The following PON2 variants were observed in gnomAD, a reference collection of about 807,000 sequenced individuals.
The protein encoded by PON2 is paraoxonase 2.
Under a neutral mutation model 36.6 loss-of-function variants are expected in PON2, and 27 were observed. That is an observed-to-expected ratio of 0.74 (90% CI 0.54 to 1.02). The LOEUF is 1.02. PON2 is among the 50% of genes least tolerant of loss of function. The probability of loss-of-function intolerance (pLI) is 0.00; values close to 1 mark genes in which losing one functional copy is unlikely to be tolerated. For synonymous variants in PON2, 149 were observed against 156.3 expected (o/e 0.95, Z 0.35); for missense variants, 363 against 421.1 (o/e 0.86, Z 1.21).
intron 2 of PON2, chr7:95,416,602 C>T (rs1339263568): frequency 2.4e-5 from 10 of 410,796 alleles, no homozygotes; most frequent in South Asian, 1.0e-4. Flanking sequence ...TCCAGATGTC[C>T]GTATAAAAGT....
intron 1 of PON2, among the ~76,000 whole-genome samples, chr7:95,430,188 G>C (rs370446807): frequency 6.6e-6 from 1 of 152,006 alleles, no homozygotes. Context: ...AATTTGGCAG[G>C]GCTCAGTAGC....
chr7:95,420,198 T>C lies in PON2; in HGVS notation c.146-3901A>G, dbSNP rs147702017. Among the ~76,000 whole-genome samples, 489 of 152,276 alleles carry C rather than the reference T, an allele frequency of 3.2e-3. 11 individuals carry two copies. The highest frequency in any genetic ancestry group is 0.029 in the Admixed American group (441 of 15,286). On this transcript the variant is annotated intron_variant, in intron 2 of 8. Coordinates refer to ENST00000222572, the MANE Select transcript of PON2 (RefSeq NM_000305.3). ...ATCAGTAGACTGTAAAGTACTTGAT[T>C]ATAAGGGCCACAAACTTTAATGCTT... is the stretch of plus-strand genomic sequence containing the variant.
intron 2 of PON2, among the ~76,000 whole-genome samples, chr7:95,419,350 T>C (rs909653274): frequency 1.3e-5 from 2 of 152,154 alleles, no homozygotes; most frequent in African/African-American, 4.8e-5. Flanking sequence ...CTGCATCCAC[T>C]GCTCAGGGGA....
At chr7:95,434,834 A>T in intron 1 of PON2, 44 bp downstream of exon 1, 1 of 1,528,778 alleles carries the variant, frequency 6.5e-7, no homozygotes, top group African/African-American at 1.4e-5. Flanking sequence ...GGCCACCCCG[A>T]GCCTGGGGAC....
intron 2 of PON2, among the ~76,000 whole-genome samples, chr7:95,417,726 C>CACACACACACACACACA (rs56020343): frequency 2.0e-5 from 3 of 148,396 alleles, no homozygotes; most frequent in African/African-American, 7.6e-5. Context: ...CACACACACA[C>CACACACACACACACACA]CGAGAGAGAA....
intron 7 of PON2, 104 bp from the exon 8 acceptor site, chr7:95,406,351 G>A (rs1463106615): frequency 7.8e-6 from 10 of 1,282,510 alleles, no homozygotes; most frequent in East Asian, 7.1e-5. Flanking sequence ...ATTACACATC[G>A]CCCTGCTTCC....
chr7:95,429,035 CTT>C (rs879481006), intron 1 of PON2, among the ~76,000 whole-genome samples: 5 of 143,978 alleles, frequency 3.5e-5, no homozygotes, highest in African/African-American at 1.0e-4. Context: ...AAAGCATGAA[CTT>C]TTTTTTTTTT....
chr7:95,432,353 T>C (rs1023763722), intron 1 of PON2, among the ~76,000 whole-genome samples: 1 of 152,146 alleles, frequency 6.6e-6, no homozygotes, highest in Non-Finnish European at 1.5e-5. Context: ...GAGATTGCAG[T>C]GAGCTTTGAT....
chr7:95,428,895 T>C (rs1442691725), intron 1 of PON2, among the ~76,000 whole-genome samples: 1 of 152,190 alleles, frequency 6.6e-6, no homozygotes, highest in Non-Finnish European at 1.5e-5. Flanking sequence ...AGCATTCTCA[T>C]AGTCCCACTG....
chr7:95,425,312 G>A (rs1006962596), intron 1 of PON2, among the ~76,000 whole-genome samples: 2 of 152,076 alleles, frequency 1.3e-5, no homozygotes, highest in Admixed American at 6.5e-5. Context: ...ATTTGCTGTT[G>A]TATACCCAGA....
chr7:95,420,618 T>G (rs976824401), intron 2 of PON2, among the ~76,000 whole-genome samples: 1 of 152,166 alleles, frequency 6.6e-6, no homozygotes, highest in Non-Finnish European at 1.5e-5. Context: ...AAGTTGCACA[T>G]AGTTCACTTC....
chr7:95,418,854 G>A (rs1789131099), intron 2 of PON2, among the ~76,000 whole-genome samples: 1 of 151,844 alleles, frequency 6.6e-6, no homozygotes, highest in Non-Finnish European at 1.5e-5. Context: ...TTTTATTATG[G>A]GAAATAGACA....
At chr7:95,432,043 C>T (rs572988910) in intron 1 of PON2, among the ~76,000 whole-genome samples, 1 of 152,074 alleles carries the variant, frequency 6.6e-6, no homozygotes, top group Non-Finnish European at 1.5e-5. Context: ...TCCACATATC[C>T]AATAAAGTTA....
At chr7:95,425,860 T>C (rs1789303880) in intron 1 of PON2, among the ~76,000 whole-genome samples, 1 of 152,078 alleles carries the variant, frequency 6.6e-6, no homozygotes, top group African/African-American at 2.4e-5. Context: ...AAAGTACAAA[T>C]AAATCAATAT....
intron 2 of PON2, among the ~76,000 whole-genome samples, chr7:95,420,338 T>C (rs998629007): frequency 6.6e-6 from 1 of 152,204 alleles, no homozygotes; most frequent in Non-Finnish European, 1.5e-5. Flanking sequence ...GGCCAGACAT[T>C]TAGAAAATCA....
intron 5 of PON2, among the ~76,000 whole-genome samples, chr7:95,410,995 A>C (rs1215663886): frequency 6.6e-6 from 1 of 152,152 alleles, no homozygotes; most frequent in African/African-American, 2.4e-5. Flanking sequence ...ATTTCATTAG[A>C]AATGAAATTT....
At chr7:95,414,500 A>AT (rs1437880785) in intron 3 of PON2, among the ~76,000 whole-genome samples, 1 of 152,226 alleles carries the variant, frequency 6.6e-6, no homozygotes, top group Non-Finnish European at 1.5e-5. Flanking sequence ...ATGGCTGTAG[A>AT]TTTATGTGTT....
chr7:95,430,672 A>C (rs1357603950), intron 1 of PON2, among the ~76,000 whole-genome samples: 1 of 151,736 alleles, frequency 6.6e-6, no homozygotes, highest in African/African-American at 2.4e-5. Context: ...AGGTGGGAGG[A>C]TTGCTTGAGC....
chr7:95,416,386 A>G lies in PON2; in HGVS notation c.146-89T>C, dbSNP rs1322432998. On this transcript the variant is annotated intron_variant, in intron 2 of 8. Transcript: ENST00000222572. ...ACTGGGACTCTGTTTACTTTATCAG[A>G]GTGACTGTATCTTTAGGGATGGTTC... 2.8e-6 allele frequency: 4 copies of G among 1,417,010 alleles called. No individual in the cohort carries two copies. In the African/African-American group the frequency reaches 4.3e-5, roughly 15 times the overall value. The allele number at this position is 1,417,010 out of a possible 1,614,324, so 87.8% of individuals were successfully genotyped here.
Sources: allele counts gnomAD v4.1 joint callset (sites outside exome capture counted in the v4.1 genomes callset), GRCh38; gene constraint gnomAD v4.1.1; transcripts MANE v1.5; gene names NCBI Gene and HGNC (gene_info 2026-07-23, HGNC 2026-07-21).